Variants in SCN9A observed in about 807,000 individuals in gnomAD.
SCN9A encodes sodium channel protein type 9 subunit alpha.
In SCN9A, 131 loss-of-function variants were observed where a neutral mutation model predicts 187.0. That is an observed-to-expected ratio of 0.70 (90% CI 0.61 to 0.81). The LOEUF is 0.81. Among genes scored for constraint, SCN9A ranks in the 30% least tolerant of loss-of-function variants. The probability of loss-of-function intolerance (pLI) is 0.00; values close to 1 mark genes in which losing one functional copy is unlikely to be tolerated. For synonymous variants in SCN9A, 809 were observed against 808.6 expected (o/e 1.00, Z -0.01); for missense variants, 2,252 against 2,396.6 (o/e 0.94, Z 1.26).
Position 166,277,266 on chromosome 2 carries a change from C to T in SCN9A, c.2591G>A (p.Gly864Glu). Residue 864 changes from glycine to glutamate, a missense_variant, in exon 16 of 27, where the codon GGG (glycine) becomes GAG (glutamate). Physicochemically the swap from Gly to Glu is moderately conservative, Grantham distance 98. Around this residue, in one of 7 missense-constraint regions of SCN9A, gnomAD observed 119 missense variants for 188.7 expected, o/e 0.63. Transcript: ENST00000642356. Reference protein sequence around the residue: ...MLIKIIGNSVGALGNLTLVLA... With the variant: ...MLIKIIGNSVEALGNLTLVLA... ...CACTAAGGTGAGGTTACCTAGAGCC[C>T]CTACTGAGTTACCAATGATCTTAAT... 6.2e-7 allele frequency: 1 copy of T among 1,614,014 alleles called. No homozygotes were observed. Among genetic ancestry groups the T allele is most frequent in the Non-Finnish European group, 8.5e-7 (1 of 1,179,940 alleles).
intron 22 of SCN9A, among the ~76,000 whole-genome samples, chr2:166,228,403 C>T (rs1324009234): frequency 6.6e-6 from 1 of 151,568 alleles, no homozygotes; most frequent in Non-Finnish European, 1.5e-5. Flanking sequence ...ATTACAGGCG[C>T]CTGCCACCAC....
chr2:166,312,101 A>G (rs764888631), intron 1 of SCN9A, among the ~76,000 whole-genome samples: 4 of 152,066 alleles, frequency 2.6e-5, no homozygotes, highest in Non-Finnish European at 5.9e-5. Flanking sequence ...TTTCGTCTAT[A>G]TTTACCTTTG....
intron 7 of SCN9A, among the ~76,000 whole-genome samples, chr2:166,295,553 T>C (rs1232809090): frequency 6.6e-6 from 1 of 152,024 alleles, no homozygotes; most frequent in Non-Finnish European, 1.5e-5. Flanking sequence ...AAAGTGTGTA[T>C]CTAAAGACAG....
rs772974189 is a variant in SCN9A, at chr2:166,286,534, C to T, written c.1404G>A (p.Leu468=). The T allele has an allele frequency of 1.2e-6, 2 of 1,611,768 alleles. No homozygotes were observed. The highest frequency in any genetic ancestry group is 1.7e-6 in the Non-Finnish European group (2 of 1,179,222). ...LSESSSETSK[L]SSKSAKERRN... is the part of the protein sequence containing the mutation. ...TTCTTTCTTTAGCACTTTTAGAGCT[C>T]AGTTTGGATGTTTCAGAAGAACTCT... The change falls in exon 11 of 27, where the codon CTG becomes CTA. Residue 468 remains leucine, a synonymous_variant. Coordinates refer to ENST00000642356, the MANE Select transcript of SCN9A (RefSeq NM_001365536.1).
In SCN9A at chr2:166,255,664, A is replaced by G. The variant is rs148117598; in HGVS notation, c.3352-3779T>C. 3.4e-3 allele frequency among the ~76,000 whole-genome samples: 498 copies of G among 145,856 alleles called. 5 individuals are homozygous for G. The highest frequency in any genetic ancestry group is 0.012 in the African/African-American group (488 of 39,784). ...CTGAAAAATGTTACATTTCAAGTAC[A>G]TACTATAAACTGTTTGCTTCACACA... On this transcript the variant is annotated intron_variant, in intron 17 of 26. Transcript: ENST00000642356.
rs773385236 is a variant in SCN9A at position 166,198,759 on chromosome 2, A to G, written c.5880T>C (p.Ser1960=). The G allele has an allele frequency of 8.1e-6, 13 of 1,613,286 alleles. No homozygotes were observed. Among genetic ancestry groups the G allele is most frequent in the Admixed American group, 3.3e-5 (2 of 59,896 alleles). ...ATTTCTCTTTGTCTGGCTTTGTTAC[A>G]CTATCATATGAAGGTGGAGAGGTGG... ...SSTTSPPSYD[S]VTKPDKEKYE... Residue 1960 remains serine, a synonymous_variant, in exon 27 of 27, where the codon AGT becomes AGC. Coordinates refer to ENST00000642356, the MANE Select transcript of SCN9A (RefSeq NM_001365536.1).
intron 1 of SCN9A, among the ~76,000 whole-genome samples, chr2:166,348,219 C>G (rs7569509): frequency 0.17 from 10,763 of 63,872 alleles, 894 homozygotes; most frequent in African/African-American, 0.29. Flanking sequence ...TTCCTACAAA[C>G]TAAGAATAGA....
intron 18 of SCN9A, among the ~76,000 whole-genome samples, chr2:166,246,500 AG>A (rs1695795158): frequency 6.6e-6 from 1 of 152,032 alleles, no homozygotes; most frequent in Non-Finnish European, 1.5e-5. Flanking sequence ...GTAAAAGGGT[AG>A]GGTCAAAAAT....
intron 1 of SCN9A, among the ~76,000 whole-genome samples, chr2:166,347,417 T>C (rs1440262709): frequency 6.6e-6 from 1 of 152,218 alleles, no homozygotes; most frequent in Non-Finnish European, 1.5e-5. Context: ...AGAAAGCTCT[T>C]GACACCCAGG....
At position 166,253,809 on chromosome 2, in the gene SCN9A, T is replaced by C. The variant is rs973054207; in HGVS notation, c.3352-1924A>G. On this transcript the variant is annotated intron_variant, in intron 17 of 26. Transcript: ENST00000642356. ...TTTTGAGGTAAAGCAGTGAGAGGAATTGCTGATAGAAAGAATACAAAGCAC... is the reference window on the plus strand; with the variant it reads ...TTTTGAGGTAAAGCAGTGAGAGGAACTGCTGATAGAAAGAATACAAAGCAC... 3.3e-5 allele frequency among the ~76,000 whole-genome samples: 5 copies of C among 151,918 alleles called. No homozygotes were observed. In the East Asian group the frequency reaches 7.8e-4, roughly 24 times the overall value.
chr2:166,313,494 C>T lies in SCN9A; in HGVS notation c.-50-1688G>A, dbSNP rs187627632. Among the ~76,000 whole-genome samples, 648 of 152,218 alleles carry T rather than the reference C, an allele frequency of 4.3e-3. 2 individuals are homozygous for T. The highest frequency in any genetic ancestry group is 5.4e-3 in the Non-Finnish European group (369 of 68,002). On this transcript the variant is annotated intron_variant, in intron 1 of 26. Transcript: ENST00000642356. ...TGTTATGGCAGTGACTTCTTTCCTT[C>T]AATCTCATGGGGTACCGTCTGCCAG...
rs565006873 is a variant in SCN9A, at chr2:166,220,273, A to G, written c.4398+6294T>C. On this transcript the variant is annotated intron_variant, in intron 24 of 26. Transcript: ENST00000642356. The stretch of plus-strand genomic sequence containing the variant: ...ACAAAAGCTAGGTATAGAAGTTGCT[A>G]TAACTTGAAGGTTTGTCCCCTCCAA... Among the ~76,000 whole-genome samples, 17 of 152,356 alleles carry G rather than the reference A, an allele frequency of 1.1e-4. No homozygotes were observed. In the South Asian group the frequency reaches 3.5e-3, roughly 32 times the overall value.
chr2:166,372,081 A>AGTGTGTGT lies in SCN9A; in HGVS notation c.-51+3608_-51+3615dup, dbSNP rs138962140. On this transcript the variant is annotated intron_variant, in intron 1 of 26. Transcript: ENST00000642356. ...AGGGGGGAGGCAAATCACCATACAA[A>AGTGTGTGT]GTGTGTGTGTGTGTGTGTGTGAGTG... Among the ~76,000 whole-genome samples the AGTGTGTGT allele has an allele frequency of 3.1e-3, 463 of 150,492 alleles. 3 individuals are homozygous for AGTGTGTGT. Among genetic ancestry groups the AGTGTGTGT allele is most frequent in the African/African-American group, 0.01 (413 of 40,954 alleles).
intron 15 of SCN9A, 53 bp downstream of exon 15, chr2:166,278,087 A>G (rs1697316705): frequency 2.8e-6 from 4 of 1,429,438 alleles, no homozygotes; most frequent in Admixed American, 4.7e-5. Context: ...ATGCAAAACC[A>G]AAGAAATACC....
At chr2:166,277,747 A>G (rs1366893161) in intron 15 of SCN9A, 1 of 219,762 alleles carries the variant, frequency 4.6e-6, no homozygotes, top group Non-Finnish European at 8.9e-6. Context: ...TTGTTTTTAT[A>G]TTGTTAAGAT....
chr2:166,274,288 C>A (rs1361212127), intron 16 of SCN9A, among the ~76,000 whole-genome samples: 5 of 151,966 alleles, frequency 3.3e-5, no homozygotes, highest in African/African-American at 4.8e-5. Flanking sequence ...AAATAAAGTC[C>A]ATTTGTATCA....
At chr2:166,293,771 C>T (rs1698181772) in intron 8 of SCN9A, among the ~76,000 whole-genome samples, 1 of 152,160 alleles carries the variant, frequency 6.6e-6, no homozygotes, top group Non-Finnish European at 1.5e-5. Context: ...GATATGTAGG[C>T]TGTTACCAAA....
chr2:166,289,456 A>G (rs1697942869), intron 9 of SCN9A, among the ~76,000 whole-genome samples: 1 of 151,820 alleles, frequency 6.6e-6, no homozygotes, highest in African/African-American at 2.4e-5. Context: ...TTCCTGTTTT[A>G]GTTTGCTGAG....
chr2:166,336,059 C>A (rs928231809), intron 1 of SCN9A, among the ~76,000 whole-genome samples: 1 of 152,006 alleles, frequency 6.6e-6, no homozygotes, highest in Admixed American at 6.6e-5. Flanking sequence ...AGAACTTGAG[C>A]ATCTCCAGAT....
Sources: gnomAD v4.1 joint callset for allele counts (sites outside exome capture counted in the v4.1 genomes callset) on GRCh38, gnomAD v4.1.1 for gene constraint, gnomAD v4.1.1 regional missense constraint, MANE v1.5 for transcripts, NCBI Gene and HGNC (gene_info 2026-07-23, HGNC 2026-07-21) for gene names.